The following FHIT variants were observed in gnomAD, a reference collection of about 807,000 sequenced individuals.
FHIT encodes fragile histidine triad diadenosine triphosphatase.
FHIT carries 19 observed loss-of-function variants against 17.9 expected under a neutral mutation model. That is an observed-to-expected ratio of 1.06 (90% CI 0.74 to 1.56). The LOEUF (loss-of-function observed/expected upper bound fraction) is 1.56. FHIT is among the 40% of genes most tolerant of loss of function. FHIT has a pLI of 0.00. For synonymous variants in FHIT, 81 were observed against 69.7 expected (o/e 1.16, Z -0.81); for missense variants, 248 against 189.2 (o/e 1.31, Z -1.82).
intron 5 of FHIT, among the ~76,000 whole-genome samples, chr3:60,057,448 A>T (rs963003506): frequency 2.0e-4 from 30 of 152,162 alleles, no homozygotes; most frequent in African/African-American, 7.0e-4. Context: ...GGTCCATACA[A>T]TGGAATATTA....
At chr3:60,165,639 A>G (rs1241222188) in intron 5 of FHIT, among the ~76,000 whole-genome samples, 1 of 152,178 alleles carries the variant, frequency 6.6e-6, no homozygotes, top group African/African-American at 2.4e-5. Flanking sequence ...GATTATAAAG[A>G]TACCTATCTT....
intron 2 of FHIT, among the ~76,000 whole-genome samples, chr3:61,052,681 T>C (rs886943837): frequency 1.6e-4 from 25 of 152,312 alleles, no homozygotes; most frequent in African/African-American, 5.8e-4. Context: ...TCTCAATTTA[T>C]ATGCTTATTT....
At chr3:61,005,521 T>C (rs2031387411) in intron 3 of FHIT, among the ~76,000 whole-genome samples, 1 of 152,128 alleles carries the variant, frequency 6.6e-6, no homozygotes, top group African/African-American at 2.4e-5. Context: ...ACCACCCTAC[T>C]TTAACCTAGG....
intron 3 of FHIT, among the ~76,000 whole-genome samples, chr3:61,004,970 T>C (rs552141008): frequency 2.6e-4 from 40 of 152,338 alleles, no homozygotes; most frequent in African/African-American, 9.4e-4. Context: ...AGCAATTATC[T>C]ATGCCTCCCA....
intron 3 of FHIT, among the ~76,000 whole-genome samples, chr3:60,861,702 A>T (rs545668179): frequency 6.6e-4 from 101 of 152,132 alleles, no homozygotes; most frequent in Non-Finnish European, 1.3e-3. Flanking sequence ...AGGAGAAAAA[A>T]GTGAAATGAC....
chr3:60,042,772 TA>T (rs934185661), intron 5 of FHIT, among the ~76,000 whole-genome samples: 15 of 147,230 alleles, frequency 1.0e-4, no homozygotes, highest in African/African-American at 1.7e-4. Flanking sequence ...CAGAGATGAG[TA>T]AAAAAAAAAG....
At chr3:60,693,293 C>T (rs929254557) in intron 4 of FHIT, among the ~76,000 whole-genome samples, 4 of 152,172 alleles carry the variant, frequency 2.6e-5, no homozygotes, top group African/African-American at 9.6e-5. Context: ...GCATATTTTT[C>T]TAACTGTAAA....
rs2037430242 is a variant in FHIT, at chr3:60,572,779, AGCACAGGGGTTAATGTTG to A, written c.-17-35818_-17-35801del. ...ATCACATCATTTCTTTTGACAGCCTAGCACAGGGGTTAATGTTGGCTGGGGAGATGGAAAAAGGAAAGA... is the reference window on the plus strand; with the variant it reads ...ATCACATCATTTCTTTTGACAGCCTAGCTGGGGAGATGGAAAAAGGAAAGA... On this transcript the variant is annotated intron_variant, in intron 4 of 9. Coordinates refer to ENST00000492590, the MANE Select transcript of FHIT (RefSeq NM_002012.4). Among the ~76,000 whole-genome samples the A allele has an allele frequency of 5.9e-5, 9 of 152,318 alleles. No individual in the cohort carries two copies. In the South Asian group the frequency reaches 1.9e-3, roughly 32 times the overall value.
At chr3:59,831,027 A>C (rs1405482156) in intron 8 of FHIT, among the ~76,000 whole-genome samples, 1 of 152,198 alleles carries the variant, frequency 6.6e-6, no homozygotes, top group Non-Finnish European at 1.5e-5. Flanking sequence ...TATTGCAAGA[A>C]GCATAGTATC....
rs560129619 is a variant in FHIT, at chr3:60,079,175, T to C, written c.104-65023A>G. Among the ~76,000 whole-genome samples, 5 of 152,178 alleles carry C rather than the reference T, an allele frequency of 3.3e-5. No homozygotes were observed. The East Asian group carries it at 9.7e-4, about 29-fold the overall frequency. ...TAGCTTGTTTTTGGTAAATCCAAAATACAACAACCCATTAGAGGGCGTTAC... is the reference window on the plus strand; with the variant it reads ...TAGCTTGTTTTTGGTAAATCCAAAACACAACAACCCATTAGAGGGCGTTAC... On this transcript the variant is annotated intron_variant, in intron 5 of 9. Transcript: ENST00000492590.
chr3:60,179,937 G>C (rs560912924), intron 5 of FHIT, among the ~76,000 whole-genome samples: 1 of 152,166 alleles, frequency 6.6e-6, no homozygotes, highest in Non-Finnish European at 1.5e-5. Context: ...GATGGAATCT[G>C]AATGACAATT....
chr3:60,643,255 C>A (rs782139570), intron 4 of FHIT, among the ~76,000 whole-genome samples: 3 of 151,974 alleles, frequency 2.0e-5, no homozygotes, highest in Non-Finnish European at 4.4e-5. Context: ...CCCCCCACAG[C>A]ATTAAATTAC....
intron 8 of FHIT, among the ~76,000 whole-genome samples, chr3:59,803,891 C>T (rs1012574401): frequency 1.3e-5 from 2 of 151,952 alleles, no homozygotes; most frequent in African/African-American, 4.8e-5. Context: ...TGTAGATGCT[C>T]GGTAGCAATG....
At chr3:59,803,331 G>C (rs1450535053) in intron 8 of FHIT, among the ~76,000 whole-genome samples, 1 of 152,206 alleles carries the variant, frequency 6.6e-6, no homozygotes, top group African/African-American at 2.4e-5. Flanking sequence ...TTACAGGCGA[G>C]CACGGGGCCA....
chr3:59,995,390 A>G (rs1234243983), intron 7 of FHIT, among the ~76,000 whole-genome samples: 1 of 152,078 alleles, frequency 6.6e-6, no homozygotes, highest in Non-Finnish European at 1.5e-5. Context: ...ACTTAAAGTC[A>G]AACTTAGTCT....
intron 2 of FHIT, among the ~76,000 whole-genome samples, chr3:61,056,661 C>T (rs938102111): frequency 6.6e-6 from 1 of 152,162 alleles, no homozygotes; most frequent in African/African-American, 2.4e-5. Context: ...AACAGCAATC[C>T]TCTCCACAGA....
At chr3:59,757,659 T>C (rs1157636624) in intron 8 of FHIT, among the ~76,000 whole-genome samples, 2 of 152,224 alleles carry the variant, frequency 1.3e-5, no homozygotes, top group African/African-American at 2.4e-5. Context: ...ACTACTTTAA[T>C]GCTCTTCTTA....
chr3:60,196,493 C>A (rs1183837795), intron 5 of FHIT, among the ~76,000 whole-genome samples: 1 of 152,092 alleles, frequency 6.6e-6, no homozygotes, highest in African/African-American at 2.4e-5. Flanking sequence ...AGATAATCCC[C>A]CTATCCCAAA....
chr3:60,578,254 T>C (rs113703194), intron 4 of FHIT, among the ~76,000 whole-genome samples: 3,507 of 152,060 alleles, frequency 0.023, 66 homozygotes, highest in Non-Finnish European at 0.036. Context: ...CTGGCCAACA[T>C]GGTGAATCCC....
Sources: allele counts gnomAD v4.1 joint callset (sites outside exome capture counted in the v4.1 genomes callset), GRCh38; gene constraint gnomAD v4.1.1; transcripts MANE v1.5; gene names NCBI Gene and HGNC (gene_info 2026-07-23, HGNC 2026-07-21).